Variants in PPARGC1A observed in about 807,000 individuals in gnomAD.
The protein encoded by PPARGC1A is PPARG coactivator 1 alpha.
In PPARGC1A, 25 loss-of-function variants were observed where a neutral mutation model predicts 88.7. The ratio of observed to expected loss-of-function variants is 0.28; its 90% CI spans 0.21 to 0.39. The LOEUF (loss-of-function observed/expected upper bound fraction) is 0.39. Ranked by LOEUF, PPARGC1A falls within the 10% of genes least tolerant of loss-of-function variation. PPARGC1A has a pLI of 1.00. For synonymous variants in PPARGC1A, 363 were observed against 355.6 expected, an observed-to-expected ratio of 1.02 and a Z score of -0.24; for missense variants, 880 against 968.7, an observed-to-expected ratio of 0.91 and a Z score of 1.22.
chr4:24,470,277 G>GACACTCACACACACAC, the PPARGC1A span, among the ~76,000 whole-genome samples: 1 of 110,676 alleles, frequency 9.0e-6, no homozygotes, highest in Non-Finnish European at 1.9e-5. The surrounding 1 kb of genome is among the most constrained non-coding windows in gnomAD (Gnocchi z 5.8). Flanking sequence ...GACAGACACA[G>GACACTCACACACACAC]ACACACACAC....
At chr4:23,859,461 C>A (rs1411468544) in intron 2 of PPARGC1A, among the ~76,000 whole-genome samples, 2 of 152,044 alleles carry the variant, frequency 1.3e-5, no homozygotes, top group Non-Finnish European at 2.9e-5. Flanking sequence ...TGGGAGACTG[C>A]AAAGAAGAAC....
chr4:24,301,524 G>A, the PPARGC1A span, among the ~76,000 whole-genome samples: 106,491 of 150,834 alleles, frequency 0.71, 38,600 homozygotes, highest in African/African-American at 0.88. Context: ...GTTGAGAGCG[G>A]TTACGGTCAG....
chr4:24,066,359 A>G, the PPARGC1A span, among the ~76,000 whole-genome samples: 1 of 152,146 alleles, frequency 6.6e-6, no homozygotes, highest in Non-Finnish European at 1.5e-5. Context: ...AAAAGTTAAT[A>G]CTAATATTGA....
chr4:24,460,121 T>C, the PPARGC1A span, among the ~76,000 whole-genome samples: 2 of 152,212 alleles, frequency 1.3e-5, no homozygotes, highest in Non-Finnish European at 2.9e-5. Context: ...CAGAATTGGT[T>C]ACAGTGGATG....
At chr4:24,423,769 A>G in the PPARGC1A span, among the ~76,000 whole-genome samples, 1 of 152,226 alleles carries the variant, frequency 6.6e-6, no homozygotes, top group Non-Finnish European at 1.5e-5. Flanking sequence ...CTGTAAAAGC[A>G]TTATTTCAAA....
the PPARGC1A span, among the ~76,000 whole-genome samples, chr4:24,191,952 G>A: frequency 1.3e-5 from 2 of 152,194 alleles, no homozygotes; most frequent in South Asian, 2.1e-4. Flanking sequence ...CAGAGTTCTT[G>A]GAGACGGGGA....
chr4:24,193,619 T>A, the PPARGC1A span, among the ~76,000 whole-genome samples: 1 of 152,202 alleles, frequency 6.6e-6, no homozygotes, highest in Non-Finnish European at 1.5e-5. Flanking sequence ...CATATATGTT[T>A]CAGGGCCCAG....
chr4:23,863,081 C>T (rs1731528872), intron 2 of PPARGC1A, among the ~76,000 whole-genome samples: 1 of 152,114 alleles, frequency 6.6e-6, no homozygotes, highest in Non-Finnish European at 1.5e-5. Context: ...GCCATTTTTC[C>T]TCCCTTTTTT....
intron 8 of PPARGC1A, among the ~76,000 whole-genome samples, chr4:23,813,456 A>C (rs1721323641): frequency 6.6e-6 from 1 of 152,178 alleles, no homozygotes; most frequent in Non-Finnish European, 1.5e-5. Flanking sequence ...GTTTCTTAAC[A>C]AATTGCTCTC....
chr4:24,084,378 G>A, the PPARGC1A span, among the ~76,000 whole-genome samples: 98 of 152,340 alleles, frequency 6.4e-4, no homozygotes, highest in African/African-American at 2.1e-3. Context: ...AGCAACAGCC[G>A]CAGGCTGGTT....
chr4:24,315,291 T>C, the PPARGC1A span, among the ~76,000 whole-genome samples: 1 of 152,142 alleles, frequency 6.6e-6, no homozygotes, highest in Non-Finnish European at 1.5e-5. Flanking sequence ...ATGTCCTCCA[T>C]GAGCACAAAA....
intron 2 of PPARGC1A, among the ~76,000 whole-genome samples, chr4:23,858,089 A>C (rs1730533308): frequency 6.6e-6 from 1 of 152,126 alleles, no homozygotes; most frequent in Non-Finnish European, 1.5e-5. Flanking sequence ...TAAAGGACTT[A>C]TTAATATTAC....
chr4:24,082,356 C>T, the PPARGC1A span, among the ~76,000 whole-genome samples: 2 of 152,140 alleles, frequency 1.3e-5, no homozygotes, highest in Non-Finnish European at 2.9e-5. Context: ...GAGAGAGGTG[C>T]CACGTGATCC....
At chr4:24,396,692 A>T in the PPARGC1A span, among the ~76,000 whole-genome samples, 23 of 152,274 alleles carry the variant, frequency 1.5e-4, no homozygotes, top group African/African-American at 5.3e-4. Flanking sequence ...TTTAGGGGGC[A>T]AAGAGCACCG....
intron 2 of PPARGC1A, among the ~76,000 whole-genome samples, chr4:23,840,548 A>G (rs59107817): frequency 6.6e-6 from 1 of 152,198 alleles, no homozygotes; most frequent in Non-Finnish European, 1.5e-5. Flanking sequence ...ACTACTCTGG[A>G]CACATTCTAC....
intron 12 of PPARGC1A, among the ~76,000 whole-genome samples, chr4:23,796,260 C>T (rs1306346201): frequency 2.0e-5 from 3 of 152,180 alleles, no homozygotes; most frequent in African/African-American, 7.2e-5. Context: ...TAGATGTAGA[C>T]GTGAGAGTAC....
chr4:24,054,625 C>T, the PPARGC1A span, among the ~76,000 whole-genome samples: 2 of 152,066 alleles, frequency 1.3e-5, no homozygotes, highest in African/African-American at 4.8e-5. Flanking sequence ...ATATTTAATT[C>T]CCATGGTAAA....
At chr4:24,267,693 T>A in the PPARGC1A span, among the ~76,000 whole-genome samples, 1 of 152,166 alleles carries the variant, frequency 6.6e-6, no homozygotes, top group Non-Finnish European at 1.5e-5. Context: ...ATACTTTACT[T>A]TTAAAGTTTT....
the PPARGC1A span, among the ~76,000 whole-genome samples, chr4:24,426,593 T>A: frequency 6.6e-6 from 1 of 152,236 alleles, no homozygotes; most frequent in Non-Finnish European, 1.5e-5. Context: ...AGTTTTGTGG[T>A]CATTACTGGT....
Sources: allele counts gnomAD v4.1 joint callset (sites outside exome capture counted in the v4.1 genomes callset), GRCh38; gene constraint gnomAD v4.1.1; non-coding constraint Gnocchi (gnomAD v3.1); transcripts MANE v1.5; gene names NCBI Gene and HGNC (gene_info 2026-07-23, HGNC 2026-07-21).